Variants in ZFAND3 observed in about 807,000 individuals in gnomAD.
ZFAND3 encodes AN1-type zinc finger protein 3.
In ZFAND3, 10 loss-of-function variants were observed where a neutral mutation model predicts 29.6. The ratio of observed to expected loss-of-function variants is 0.34; its 90% CI spans 0.21 to 0.57. ZFAND3 has a LOEUF of 0.57. ZFAND3 is among the 20% of genes least tolerant of loss of function. ZFAND3 has a pLI of 0.86. For synonymous variants in ZFAND3, 128 were observed against 112.6 expected, an observed-to-expected ratio of 1.14 and a Z score of -0.87; for missense variants, 230 against 304.5, an observed-to-expected ratio of 0.76 and a Z score of 1.82.
At chr6:37,968,129 G>A (rs1762323973) in intron 2 of ZFAND3, among the ~76,000 whole-genome samples, 1 of 152,070 alleles carries the variant, frequency 6.6e-6, no homozygotes, top group South Asian at 2.1e-4. Flanking sequence ...AGTGATCACA[G>A]GACTAGAATT....
At chr6:38,145,226 GTT>G (rs1249225184) in intron 5 of ZFAND3, among the ~76,000 whole-genome samples, 1 of 152,186 alleles carries the variant, frequency 6.6e-6, no homozygotes, top group East Asian at 1.9e-4. Flanking sequence ...ACTTGACTTG[GTT>G]CAGCTGCCCT....
intron 2 of ZFAND3, among the ~76,000 whole-genome samples, chr6:37,970,307 G>A (rs1421435692): frequency 2.0e-5 from 3 of 152,200 alleles, no homozygotes; most frequent in South Asian, 2.1e-4. Flanking sequence ...GTCCGTAAAT[G>A]GTATATGGCA....
chr6:38,068,656 T>C (rs867739551), intron 3 of ZFAND3, among the ~76,000 whole-genome samples: 3 of 152,164 alleles, frequency 2.0e-5, no homozygotes, highest in Non-Finnish European at 4.4e-5. Context: ...AATACGGGAC[T>C]CTGGTTTTTT....
At chr6:37,857,515 T>G (rs1019478801) in intron 1 of ZFAND3, among the ~76,000 whole-genome samples, 2 of 152,266 alleles carry the variant, frequency 1.3e-5, no homozygotes, top group African/African-American at 4.8e-5. Context: ...CATGGGGCAG[T>G]TTTTTTGGAT....
Position 38,153,537 on chromosome 6 carries a change from G to C in ZFAND3, c.*1148G>C, listed in dbSNP as rs759586122. ...TGGGTTTGGATCTGTCTAGAACAGC[G>C]GTTTGTGGCTGTGGCCCAGCTCCGA... is the stretch of plus-strand genomic sequence containing the variant. On this transcript the variant is annotated 3_prime_UTR_variant, in exon 6 of 6. Transcript: ENST00000287218. 2 of 985,576 alleles carry C rather than the reference G, an allele frequency of 2.0e-6. No homozygotes were observed. The highest frequency in any genetic ancestry group is 1.7e-5 in the African/African-American group (1 of 57,374). 61.1% of individuals were successfully genotyped at this position (985,576 alleles called of 1,614,324 possible).
intron 3 of ZFAND3, among the ~76,000 whole-genome samples, chr6:38,073,539 G>T (rs1405317913): frequency 6.6e-6 from 1 of 152,082 alleles, no homozygotes; most frequent in Non-Finnish European, 1.5e-5. Flanking sequence ...TATTAAATAT[G>T]CTTTGTCACA....
intron 2 of ZFAND3, among the ~76,000 whole-genome samples, chr6:37,936,108 C>T (rs1761693380): frequency 6.6e-6 from 1 of 152,052 alleles, no homozygotes; most frequent in Admixed American, 6.5e-5. Flanking sequence ...ATACTGAAGG[C>T]CAGCTATCAT....
intron 5 of ZFAND3, among the ~76,000 whole-genome samples, chr6:38,150,319 C>T (rs897027364): frequency 2.0e-5 from 3 of 152,188 alleles, no homozygotes; most frequent in Admixed American, 2.0e-4. Flanking sequence ...GTCAAACATA[C>T]TGCCCTGCTC....
intron 2 of ZFAND3, among the ~76,000 whole-genome samples, chr6:37,953,212 G>A (rs1283450306): frequency 6.6e-6 from 1 of 151,094 alleles, no homozygotes; most frequent in South Asian, 2.1e-4. Flanking sequence ...TTCTTTCCCT[G>A]CTGTCTTTTC....
chr6:38,002,119 GA>G (rs1487084395), intron 2 of ZFAND3, among the ~76,000 whole-genome samples: 3 of 152,048 alleles, frequency 2.0e-5, no homozygotes, highest in Non-Finnish European at 4.4e-5. Context: ...TTTTCCTTAA[GA>G]AGATATACTA....
At chr6:38,117,481 A>C (rs1008068375) in intron 5 of ZFAND3, among the ~76,000 whole-genome samples, 9 of 152,188 alleles carry the variant, frequency 5.9e-5, no homozygotes, top group African/African-American at 2.2e-4. Context: ...CTTCTTGACC[A>C]CATGTATCAT....
In ZFAND3 at chr6:38,152,975, T is replaced by G. The variant is rs1014499402; in HGVS notation, c.*586T>G. Reference sequence around the variant, plus strand: ...AAATGGGGGGTGGGGGACAGATTCTTACGGAAATTTTTTTACCTGACTTGC... The same window carrying G: ...AAATGGGGGGTGGGGGACAGATTCTGACGGAAATTTTTTTACCTGACTTGC... On this transcript the variant is annotated 3_prime_UTR_variant, in exon 6 of 6. Coordinates refer to ENST00000287218, the MANE Select transcript of ZFAND3 (RefSeq NM_021943.3). 2.9e-5 allele frequency: 29 copies of G among 985,750 alleles called. No individual in the cohort carries two copies. The highest frequency in any genetic ancestry group is 5.2e-4 in the Middle Eastern group (1 of 1,936). 61.1% of individuals were successfully genotyped at this position (985,750 alleles called of 1,614,324 possible).
chr6:38,030,774 C>T (rs1561972680), intron 2 of ZFAND3, among the ~76,000 whole-genome samples: 1 of 148,670 alleles, frequency 6.7e-6, no homozygotes, highest in Non-Finnish European at 1.5e-5. Flanking sequence ...GAAAGAAGTA[C>T]AAAAAAAAAG....
At chr6:38,092,137 TC>T (rs1434510570) in intron 4 of ZFAND3, among the ~76,000 whole-genome samples, 5 of 152,192 alleles carry the variant, frequency 3.3e-5, no homozygotes, top group African/African-American at 1.2e-4. Context: ...TATTTCATAA[TC>T]ATGGCCGATT....
intron 1 of ZFAND3, among the ~76,000 whole-genome samples, chr6:37,821,529 C>T (rs1414022797): frequency 6.6e-6 from 1 of 152,172 alleles, no homozygotes; most frequent in Non-Finnish European, 1.5e-5. Flanking sequence ...GGATAATTTG[C>T]CGCTTCACAC....
chr6:37,948,821 T>G (rs1423662143), intron 2 of ZFAND3, among the ~76,000 whole-genome samples: 1 of 152,216 alleles, frequency 6.6e-6, no homozygotes, highest in Non-Finnish European at 1.5e-5. Flanking sequence ...TTCTGTGGTG[T>G]TGTCTGTACC....
rs77489108 is a variant in ZFAND3 at position 37,862,953 on chromosome 6, C to T, written c.71+42937C>T. Reference sequence around the variant, plus strand: ...ATGAAGCCTTGTCTAACTAAAAATCCCCTATTTCTTATTTAATCACCCAGC... The same window carrying T: ...ATGAAGCCTTGTCTAACTAAAAATCTCCTATTTCTTATTTAATCACCCAGC... On this transcript the variant is annotated intron_variant, in intron 1 of 5. Transcript: ENST00000287218. 0.017 allele frequency among the ~76,000 whole-genome samples: 2,568 copies of T among 151,562 alleles called. 247 individuals are homozygous for T. In the East Asian group the frequency reaches 0.28, roughly 16 times the overall value.
chr6:37,822,709 A>G lies in ZFAND3; in HGVS notation c.71+2693A>G, dbSNP rs2127363402. Reference sequence around the variant, plus strand: ...AGGAAAGTAGCCTGGAGAAAGTGACACTTTAGCCTAGACCCACAGGAAGGG... The same window carrying G: ...AGGAAAGTAGCCTGGAGAAAGTGACGCTTTAGCCTAGACCCACAGGAAGGG... On this transcript the variant is annotated intron_variant, in intron 1 of 5. Transcript: ENST00000287218. Among the ~76,000 whole-genome samples the G allele has an allele frequency of 1.3e-5, 2 of 152,248 alleles. 1 individual carries two copies.
At chr6:37,937,570 G>T (rs927937226) in intron 2 of ZFAND3, among the ~76,000 whole-genome samples, 2 of 142,988 alleles carry the variant, frequency 1.4e-5, no homozygotes, top group South Asian at 2.3e-4. Context: ...CAGAAGAATC[G>T]CTTGAACCAG....
Sources: allele counts gnomAD v4.1 joint callset (sites outside exome capture counted in the v4.1 genomes callset), GRCh38; gene constraint gnomAD v4.1.1; transcripts MANE v1.5; gene names NCBI Gene and HGNC (gene_info 2026-07-23, HGNC 2026-07-21).